AUH: variants seen among roughly 807,000 people sequenced by gnomAD.
AUH encodes the protein AU RNA binding methylglutaconyl-CoA hydratase, also known as methylglutaconyl-CoA hydratase, mitochondrial.
Under a neutral mutation model 42.3 loss-of-function variants are expected in AUH, and 29 were observed. That is an observed-to-expected ratio of 0.69 (90% CI 0.51 to 0.93). AUH has a LOEUF of 0.93. AUH is among the 40% of genes least tolerant of loss of function. AUH has a pLI of 0.00. For synonymous variants in AUH, 174 were observed against 166.4 expected (o/e 1.05, Z -0.35); for missense variants, 452 against 438.1 (o/e 1.03, Z -0.28).
intron 6 of AUH, among the ~76,000 whole-genome samples, chr9:91,229,897 G>A (rs546753079): frequency 3.3e-5 from 5 of 152,090 alleles, no homozygotes; most frequent in African/African-American, 1.2e-4. Context: ...ACTCTCTTCT[G>A]GCTTGTAGGG....
chr9:91,286,339 A>G (rs1826405632), intron 6 of AUH, among the ~76,000 whole-genome samples: 1 of 152,106 alleles, frequency 6.6e-6, no homozygotes, highest in Admixed American at 6.6e-5. Flanking sequence ...TCACCCAGGG[A>G]GGGGAAAAAA....
chr9:91,335,101 C>A (rs1000923051), intron 3 of AUH, among the ~76,000 whole-genome samples: 1 of 152,156 alleles, frequency 6.6e-6, no homozygotes, highest in African/African-American at 2.4e-5. Flanking sequence ...CTGGAAAAGA[C>A]TCTCTTTTTC....
intron 4 of AUH, among the ~76,000 whole-genome samples, chr9:91,323,479 T>G (rs1411388341): frequency 6.6e-6 from 1 of 152,010 alleles, no homozygotes; most frequent in Non-Finnish European, 1.5e-5. Flanking sequence ...AAAAATTAGC[T>G]GGGCATGGTC....
At chr9:91,278,858 A>G (rs1222871841) in intron 6 of AUH, among the ~76,000 whole-genome samples, 1 of 152,214 alleles carries the variant, frequency 6.6e-6, no homozygotes, top group African/African-American at 2.4e-5. Context: ...CCTAACTTGG[A>G]TGAATATCAA....
At chr9:91,232,354 C>CA (rs769982385) in intron 6 of AUH, among the ~76,000 whole-genome samples, 30 of 152,168 alleles carry the variant, frequency 2.0e-4, no homozygotes, top group Non-Finnish European at 3.8e-4. Flanking sequence ...GCCTGGGTGA[C>CA]AGAGCGAGAT....
At chr9:91,361,270 G>A (rs778442738) in intron 1 of AUH, among the ~76,000 whole-genome samples, 2 of 152,276 alleles carry the variant, frequency 1.3e-5, no homozygotes, top group South Asian at 4.1e-4. Flanking sequence ...TTTACAGAAA[G>A]CCATTACACA....
chr9:91,302,012 T>C (rs1255059668), intron 4 of AUH, among the ~76,000 whole-genome samples: 1 of 152,230 alleles, frequency 6.6e-6, no homozygotes, highest in Non-Finnish European at 1.5e-5. Flanking sequence ...TTTTACAATA[T>C]TATAAATTCT....
intron 6 of AUH, among the ~76,000 whole-genome samples, chr9:91,246,383 G>C (rs1828795212): frequency 1.3e-5 from 2 of 152,182 alleles, no homozygotes; most frequent in South Asian, 4.1e-4. Context: ...GCCCCCTACT[G>C]AGGACAGCAA....
At chr9:91,339,274 C>A (rs1382824199) in intron 3 of AUH, among the ~76,000 whole-genome samples, 4 of 152,176 alleles carry the variant, frequency 2.6e-5, no homozygotes, top group African/African-American at 9.7e-5. Flanking sequence ...ATCACTTTTG[C>A]ACCATCGTAA....
chr9:91,232,028 T>C (rs1283729772), intron 6 of AUH, among the ~76,000 whole-genome samples: 1 of 152,222 alleles, frequency 6.6e-6, no homozygotes, highest in Non-Finnish European at 1.5e-5. Flanking sequence ...AAAGATAAGT[T>C]GGTGAAGTCG....
intron 6 of AUH, among the ~76,000 whole-genome samples, chr9:91,270,969 C>T (rs1018677873): frequency 3.9e-5 from 6 of 152,102 alleles, no homozygotes; most frequent in African/African-American, 1.4e-4. Flanking sequence ...AATACTAATG[C>T]ATGAATTGAA....
chr9:91,295,817 T>C (rs1827280759), intron 6 of AUH, among the ~76,000 whole-genome samples: 1 of 152,262 alleles, frequency 6.6e-6, no homozygotes, highest in East Asian at 1.9e-4. Flanking sequence ...TGTGGCTTGC[T>C]CTATCGCAGT....
chr9:91,216,886 A>T (rs1273562919), intron 8 of AUH, among the ~76,000 whole-genome samples: 1 of 152,234 alleles, frequency 6.6e-6, no homozygotes. Flanking sequence ...GAGAAGCTAA[A>T]GGTGGAAAGA....
At chr9:91,235,283 C>A (rs979154317) in intron 6 of AUH, among the ~76,000 whole-genome samples, 1 of 152,032 alleles carries the variant, frequency 6.6e-6, no homozygotes, top group South Asian at 2.1e-4. Context: ...CAGCTTGGAC[C>A]GAGACAGCGC....
chr9:91,307,462 T>A (rs977243960), intron 4 of AUH, among the ~76,000 whole-genome samples: 3 of 152,172 alleles, frequency 2.0e-5, no homozygotes, highest in Non-Finnish European at 2.9e-5. Context: ...CAGTTACCCA[T>A]GGTCAACCGC....
chr9:91,309,911 T>A (rs1327885619), intron 4 of AUH, among the ~76,000 whole-genome samples: 1 of 151,774 alleles, frequency 6.6e-6, no homozygotes, highest in Non-Finnish European at 1.5e-5. Flanking sequence ...CCTCTAAATA[T>A]CATAATGCCT....
chr9:91,244,012 A>G (rs1033294997), intron 6 of AUH, among the ~76,000 whole-genome samples: 1 of 152,326 alleles, frequency 6.6e-6, no homozygotes, highest in Admixed American at 6.5e-5. Context: ...CTGGAAACAA[A>G]TTATATTATA....
At chr9:91,260,735 T>C (rs1483595432) in intron 6 of AUH, among the ~76,000 whole-genome samples, 1 of 152,204 alleles carries the variant, frequency 6.6e-6, no homozygotes, top group African/African-American at 2.4e-5. Flanking sequence ...CCACTTCTAC[T>C]GTTATATCCA....
chr9:91,214,202 C>T lies in AUH; in HGVS notation c.*146G>A. 1.4e-6 allele frequency: 1 copy of T among 710,358 alleles called. No individual in the cohort carries two copies. 44.0% of individuals were successfully genotyped at this position (710,358 alleles called of 1,614,324 possible). A position where few individuals can be genotyped will look rare whatever the true frequency, so the allele number is the denominator to read the frequency against. On this transcript the variant is annotated 3_prime_UTR_variant, in exon 10 of 10. Coordinates refer to ENST00000375731, the MANE Select transcript of AUH (RefSeq NM_001698.3). The stretch of plus-strand genomic sequence containing the variant: ...TTTGAATGAAGTACACGGATGGGTC[C>T]ATTCCAGATGCTTATTACACCGTAT...
Sources: gnomAD v4.1 joint callset for allele counts (sites outside exome capture counted in the v4.1 genomes callset) on GRCh38, gnomAD v4.1.1 for gene constraint, MANE v1.5 for transcripts, NCBI Gene and HGNC (gene_info 2026-07-23, HGNC 2026-07-21) for gene names.